The following ZNF462 variants were observed in gnomAD, a reference collection of about 807,000 sequenced individuals.
ZNF462 encodes zinc finger protein 462, also known as zinc finger PBX1-interacting protein.
In ZNF462, 10 loss-of-function variants were observed where a neutral mutation model predicts 201.9. The observed-to-expected ratio is 0.05, with a 90% confidence interval of 0.03 to 0.08. The LOEUF is 0.08. ZNF462 is among the 10% of genes least tolerant of loss of function. ZNF462 has a pLI of 1.00. For synonymous variants in ZNF462, 1,227 were observed against 1,193.3 expected, an observed-to-expected ratio of 1.03 and a Z score of -0.58; for missense variants, 2,523 against 3,168.3, an observed-to-expected ratio of 0.80 and a Z score of 4.89.
chr9:106,934,350 A>G (rs556886085), intron 5 of ZNF462, among the ~76,000 whole-genome samples: 3 of 151,986 alleles, frequency 2.0e-5, no homozygotes, highest in South Asian at 4.2e-4. Flanking sequence ...TTAAGAAGCA[A>G]TAATAGTAGC....
rs759155885 is a variant in ZNF462 at position 107,010,793 on chromosome 9, C to CA, written c.7314-29dup. On this transcript the variant is annotated intron_variant, in intron 12 of 12. Transcript: ENST00000277225. The surrounding 1 kb of genome is among the most constrained non-coding windows in gnomAD (Gnocchi z 4.6). ...AAAAGAGAAATATATATACTATACT[C>CA]ATCTGTCTCTTCGATAAATGTTTTT... 6.3e-7 allele frequency: 1 copy of CA among 1,580,606 alleles called. No individual in the cohort carries two copies. Among genetic ancestry groups the CA allele is most frequent in the Admixed American group, 1.7e-5 (1 of 58,096 alleles).
intron 1 of ZNF462, among the ~76,000 whole-genome samples, chr9:106,921,255 C>G (rs1207389803): frequency 1.3e-5 from 2 of 152,114 alleles, no homozygotes; most frequent in Admixed American, 1.3e-4. Flanking sequence ...TCTGCTGGGA[C>G]TAACAAACCA....
At position 106,939,089 on chromosome 9, in the gene ZNF462, G is replaced by A. The variant is rs1396367191; in HGVS notation, c.6409G>A (p.Glu2137Lys). 2 of 1,607,408 alleles carry A rather than the reference G, an allele frequency of 1.2e-6. No homozygotes were observed. Among genetic ancestry groups the A allele is most frequent in the Non-Finnish European group, 1.7e-6 (2 of 1,176,920 alleles). ...CTCCCAAAAAGCTACCCCGGCTGAA[G>A]AAGTGGAAGACTCCAATGGTAAAAA... ...HSSQKATPAEEVEDSNDSSYS... is the reference protein window; with the variant it reads ...HSSQKATPAEKVEDSNDSSYS... Residue 2137 changes from glutamate to lysine, a missense_variant, in exon 7 of 13, where the codon GAA (glutamate) becomes AAA (lysine). Physicochemically the swap from Glu to Lys is moderately conservative, Grantham distance 56 (BLOSUM62 1). Transcript: ENST00000277225.
At chr9:106,964,008 C>CGT (rs111450825) in intron 7 of ZNF462, among the ~76,000 whole-genome samples, 19,340 of 146,526 alleles carry the variant, frequency 0.13, 1,261 homozygotes, top group South Asian at 0.2. Flanking sequence ...AAATAATATT[C>CGT]GTGTGTGTGT....
chr9:106,926,825 T>A lies in ZNF462; in HGVS notation c.2913T>A (p.Asn971Lys). Residue 971 changes from asparagine (N) to lysine (K), a missense_variant, in exon 3 of 13, where the codon AAT becomes AAA. By Grantham distance (94) the Asn-to-Lys change is moderately conservative. This residue lies in a region of ZNF462 where 280 missense variants were observed against 321.3 expected (regional missense o/e 0.87). Transcript: ENST00000277225. The surrounding 1 kb of genome is among the most constrained non-coding windows in gnomAD (Gnocchi z 7.9). ...TCGTGGAGCAGCAGGAAGGGCTGAATACAGAATCCCAGACCCTGAGGGAGA... is the reference window on the plus strand; with the variant it reads ...TCGTGGAGCAGCAGGAAGGGCTGAAAACAGAATCCCAGACCCTGAGGGAGA... ...SYVVEQQEGL[N>K]TESQTLREIL... The A allele has an allele frequency of 6.2e-7, 1 of 1,614,174 alleles. No homozygotes were observed. The highest frequency in any genetic ancestry group is 2.2e-5 in the East Asian group (1 of 44,878).
intron 7 of ZNF462, among the ~76,000 whole-genome samples, chr9:106,958,345 A>G (rs1831673773): frequency 1.3e-5 from 2 of 152,098 alleles, no homozygotes; most frequent in South Asian, 4.1e-4. Flanking sequence ...TGAGCTTAGC[A>G]TGGAAAGCTG....
chr9:106,862,314 G>C (rs1159374407), upstream of ZNF462, among the ~76,000 whole-genome samples: 1 of 152,086 alleles, frequency 6.6e-6, no homozygotes, highest in Non-Finnish European at 1.5e-5. The surrounding 1 kb of genome is among the most constrained non-coding windows in gnomAD (Gnocchi z 4.2). Context: ...TGCAAGTAAG[G>C]GACCCTCTGG....
Position 106,873,204 on chromosome 9 carries a change from A to G in ZNF462, c.-31+9849A>G, listed in dbSNP as rs1827672858. On this transcript the variant is annotated intron_variant, in intron 1 of 12. Coordinates refer to ENST00000277225, the MANE Select transcript of ZNF462 (RefSeq NM_021224.6). ...AATAATGGAAAATTAATTGTAATATATTATTTGATATGAGAGATATAACTT... is the reference window on the plus strand; with the variant it reads ...AATAATGGAAAATTAATTGTAATATGTTATTTGATATGAGAGATATAACTT... 3.3e-5 allele frequency among the ~76,000 whole-genome samples: 5 copies of G among 152,306 alleles called. No individual in the cohort carries two copies. In the South Asian group the frequency reaches 1.0e-3, roughly 32 times the overall value.
rs918231440 is a variant in ZNF462 at position 107,009,456 on chromosome 9, T to G, written c.7190-89T>G. 2 of 1,544,528 alleles carry G rather than the reference T, an allele frequency of 1.3e-6. No individual in the cohort carries two copies. Among genetic ancestry groups the G allele is most frequent in the African/African-American group, 2.7e-5 (2 of 73,718 alleles). On this transcript the variant is annotated intron_variant, in intron 11 of 12. Transcript: ENST00000277225. This position sits in a 1 kb window ranked among gnomAD's most constrained non-coding sequence, Gnocchi z 6.1. The stretch of plus-strand genomic sequence containing the variant: ...CACCACATGGCTTTATCAGTGAAGG[T>G]AGGAGAGAGGGTATCCTAATGAATG...
At chr9:106,948,087 AG>A (rs1831184255) in intron 7 of ZNF462, among the ~76,000 whole-genome samples, 1 of 152,166 alleles carries the variant, frequency 6.6e-6, no homozygotes, top group Admixed American at 6.5e-5. Context: ...CTGGACTTGA[AG>A]GGTGAGTGGA....
In ZNF462 at chr9:106,972,871, A is replaced by C. The variant is rs1201318422; in HGVS notation, c.6695+599A>C. 6.6e-6 allele frequency among the ~76,000 whole-genome samples: 1 copy of C among 152,128 alleles called. No individual in the cohort carries two copies. Among genetic ancestry groups the C allele is most frequent in the East Asian group, 1.9e-4 (1 of 5,190 alleles). ...TGATGGACTCAATTATTAAGAATGG[A>C]ATGCTTCCTATGATGTAATCTAAGC... On this transcript the variant is annotated intron_variant, in intron 8 of 12. Transcript: ENST00000277225. The surrounding 1 kb of genome is among the most constrained non-coding windows in gnomAD (Gnocchi z 4.8).
At chr9:106,956,146 T>G (rs1831563050) in intron 7 of ZNF462, among the ~76,000 whole-genome samples, 1 of 152,196 alleles carries the variant, frequency 6.6e-6, no homozygotes, top group South Asian at 2.1e-4. Context: ...TCACTATCTA[T>G]GGCAACTGAA....
chr9:106,894,214 C>T (rs576169209), intron 1 of ZNF462, among the ~76,000 whole-genome samples: 25 of 152,330 alleles, frequency 1.6e-4, no homozygotes, highest in Non-Finnish European at 3.4e-4. Context: ...CACTGCCATA[C>T]TGGGTGCTGC....
intron 1 of ZNF462, among the ~76,000 whole-genome samples, chr9:106,918,621 T>TA (rs947775987): frequency 1.3e-5 from 2 of 151,990 alleles, no homozygotes; most frequent in Admixed American, 6.6e-5. Flanking sequence ...AGTGCCTTTT[T>TA]AAAAAAAATC....
In ZNF462 at chr9:106,954,939, A is replaced by G. The variant is rs573452288; in HGVS notation, c.6427+15832A>G. On this transcript the variant is annotated intron_variant, in intron 7 of 12. Transcript: ENST00000277225. The surrounding 1 kb of genome is among the most constrained non-coding windows in gnomAD (Gnocchi z 4.0). Reference sequence around the variant, plus strand: ...TTCCTTCCTAGAGTAGATGTCCTGTAAATGTAAAATGAAAATTTGTTGTGT... The same window carrying G: ...TTCCTTCCTAGAGTAGATGTCCTGTGAATGTAAAATGAAAATTTGTTGTGT... Among the ~76,000 whole-genome samples the G allele has an allele frequency of 2.0e-5, 3 of 152,268 alleles. No individual in the cohort carries two copies. The highest frequency in any genetic ancestry group is 7.2e-5 in the African/African-American group (3 of 41,560).
intron 10 of ZNF462, among the ~76,000 whole-genome samples, chr9:107,001,552 C>T (rs1829185345): frequency 6.6e-6 from 1 of 152,178 alleles, no homozygotes; most frequent in South Asian, 2.1e-4. Context: ...CTTCAAAGAG[C>T]ATTTTCTTAT....
chr9:106,886,526 CAAT>C lies in ZNF462; in HGVS notation c.-31+23172_-31+23174del, dbSNP rs1031598146. Among the ~76,000 whole-genome samples, 12 of 152,182 alleles carry C rather than the reference CAAT, an allele frequency of 7.9e-5. No individual in the cohort carries two copies. The highest frequency in any genetic ancestry group is 2.2e-4 in the African/African-American group (9 of 41,514). ...GAAATCCACATCCTCAAATATACAA[CAAT>C]GTCAGCTACAAAAAAAATAGAAGAG... On this transcript the variant is annotated intron_variant, in intron 1 of 12. Coordinates refer to ENST00000277225, the MANE Select transcript of ZNF462 (RefSeq NM_021224.6). This position sits in a 1 kb window ranked among gnomAD's most constrained non-coding sequence, Gnocchi z 4.6.
chr9:106,992,355 G>A (rs561175768), intron 10 of ZNF462, among the ~76,000 whole-genome samples: 1 of 152,022 alleles, frequency 6.6e-6, no homozygotes, highest in African/African-American at 2.4e-5. Context: ...CAAAGTGTTG[G>A]CAAGTATGTA....
Position 106,974,105 on chromosome 9 carries a change from C to A in ZNF462, c.6696-32C>A. 12 of 1,613,306 alleles carry A rather than the reference C, an allele frequency of 7.4e-6. No individual in the cohort carries two copies. The highest frequency in any genetic ancestry group is 9.3e-6 in the Non-Finnish European group (11 of 1,179,618). On this transcript the variant is annotated intron_variant, in intron 8 of 12. Transcript: ENST00000277225. The surrounding 1 kb of genome is among the most constrained non-coding windows in gnomAD (Gnocchi z 4.0). The stretch of plus-strand genomic sequence containing the variant: ...GAAAATGCAATGATCCCTGGTTACA[C>A]GCATCACCTCTCCTCCCAAACTCTC...
Sources: gnomAD v4.1 joint callset for allele counts (sites outside exome capture counted in the v4.1 genomes callset) on GRCh38, gnomAD v4.1.1 for gene constraint, gnomAD v4.1.1 regional missense constraint, Gnocchi (gnomAD v3.1) non-coding constraint, MANE v1.5 for transcripts, NCBI Gene and HGNC (gene_info 2026-07-23, HGNC 2026-07-21) for gene names.